Variants in ANGPT1 observed in about 807,000 individuals in gnomAD.
The protein encoded by ANGPT1 is angiopoietin 1, also known as angiopoietin-1.
In ANGPT1, 17 loss-of-function variants were observed where a neutral mutation model predicts 62.2. The observed-to-expected ratio is 0.27, with a 90% CI of 0.19 to 0.41. The LOEUF is 0.41. Among genes scored for constraint, ANGPT1 ranks in the 10% least tolerant of loss-of-function variants. ANGPT1 has a pLI of 1.00. For missense variants in ANGPT1, 478 were observed against 594.9 expected (o/e 0.80, Z 2.04); for synonymous variants, 199 against 198.9 (o/e 1.00, Z 0.00).
chr8:107,423,827 C>CTTTTTTTT (rs869079818), intron 1 of ANGPT1, among the ~76,000 whole-genome samples: 9 of 74,436 alleles, frequency 1.2e-4, no homozygotes, highest in Non-Finnish European at 1.6e-4. Context: ...CTTTTCCTTT[C>CTTTTTTTT]TTTTTTTTTT....
chr8:107,318,189 A>C (rs576015975), intron 4 of ANGPT1, among the ~76,000 whole-genome samples: 1 of 152,328 alleles, frequency 6.6e-6, no homozygotes, highest in East Asian at 1.9e-4. Context: ...GGCAAAAATA[A>C]ATGTGTTACT....
chr8:107,483,038 T>G (rs1216599355), intron 1 of ANGPT1, among the ~76,000 whole-genome samples: 1 of 152,192 alleles, frequency 6.6e-6, no homozygotes, highest in Non-Finnish European at 1.5e-5. Flanking sequence ...AAAAAAAACT[T>G]TAAAATAGGC....
At chr8:107,476,587 T>TAATA (rs201326087) in intron 1 of ANGPT1, among the ~76,000 whole-genome samples, 9,660 of 151,750 alleles carry the variant, frequency 0.064, 350 homozygotes, top group South Asian at 0.12. Context: ...TAAAGTATAA[T>TAATA]AATAAATAAA....
intron 5 of ANGPT1, among the ~76,000 whole-genome samples, chr8:107,299,570 A>G (rs139268479): frequency 0.039 from 5,140 of 132,842 alleles, 309 homozygotes; most frequent in African/African-American, 0.15. Context: ...ATATAGATAT[A>G]TATAGCATAT....
At position 107,388,153 on chromosome 8, in the gene ANGPT1, A is replaced by G. The variant is rs964805797; in HGVS notation, c.298-41056T>C. ...TGCATACAAATCATAATTATGAGTAACAAACGGTGGTCTCAACAGCTTTGG... is the reference window on the plus strand; with the variant it reads ...TGCATACAAATCATAATTATGAGTAGCAAACGGTGGTCTCAACAGCTTTGG... On this transcript the variant is annotated intron_variant, in intron 1 of 8. Transcript: ENST00000517746. Among the ~76,000 whole-genome samples the G allele has an allele frequency of 5.5e-4, 83 of 152,198 alleles. 1 individual carries two copies. Among genetic ancestry groups the G allele is most frequent in the African/African-American group, 1.9e-3 (79 of 41,472 alleles).
chr8:107,373,734 C>T (rs371194412), intron 1 of ANGPT1, among the ~76,000 whole-genome samples: 1 of 152,164 alleles, frequency 6.6e-6, no homozygotes, highest in East Asian at 1.9e-4. Flanking sequence ...TTTCTAAGTG[C>T]CTCACTTTCC....
chr8:107,283,153 T>C (rs1425005751), intron 7 of ANGPT1, among the ~76,000 whole-genome samples: 2 of 152,200 alleles, frequency 1.3e-5, no homozygotes, highest in Non-Finnish European at 2.9e-5. Flanking sequence ...ATTAGCCAAG[T>C]TTCATATAGT....
At chr8:107,300,184 T>C (rs188727406) in intron 5 of ANGPT1, among the ~76,000 whole-genome samples, 1 of 148,612 alleles carries the variant, frequency 6.7e-6, no homozygotes, top group African/African-American at 2.5e-5. Context: ...TATATAGAGA[T>C]ATATATGCTT....
At chr8:107,409,110 G>A (rs1817207821) in intron 1 of ANGPT1, among the ~76,000 whole-genome samples, 1 of 152,074 alleles carries the variant, frequency 6.6e-6, no homozygotes, top group Admixed American at 6.6e-5. Flanking sequence ...TTAATCCAAA[G>A]GCAACTGATA....
At chr8:107,349,758 A>C (rs1815893106) in intron 1 of ANGPT1, among the ~76,000 whole-genome samples, 1 of 152,164 alleles carries the variant, frequency 6.6e-6, no homozygotes, top group African/African-American at 2.4e-5. Context: ...TATTTAGCCT[A>C]GCACTGATTT....
chr8:107,381,476 T>A (rs1439809000), intron 1 of ANGPT1, among the ~76,000 whole-genome samples: 1 of 152,136 alleles, frequency 6.6e-6, no homozygotes, highest in Non-Finnish European at 1.5e-5. Context: ...TGGATATCTT[T>A]GAAAGAGAAG....
At chr8:107,297,788 T>C (rs1488652217) in intron 5 of ANGPT1, among the ~76,000 whole-genome samples, 1 of 150,870 alleles carries the variant, frequency 6.6e-6, no homozygotes, top group Admixed American at 6.6e-5. Context: ...CACGCATACA[T>C]ATATCTATAT....
At chr8:107,321,261 T>C (rs1188934981) in intron 4 of ANGPT1, among the ~76,000 whole-genome samples, 3 of 152,122 alleles carry the variant, frequency 2.0e-5, no homozygotes, top group South Asian at 4.1e-4. Context: ...ATTCTAGTGA[T>C]ATCAAAAATT....
At chr8:107,346,528 C>T (rs1038036452) in intron 2 of ANGPT1, among the ~76,000 whole-genome samples, 1 of 152,182 alleles carries the variant, frequency 6.6e-6, no homozygotes, top group Admixed American at 6.5e-5. Flanking sequence ...TCCTTTCTAT[C>T]TGCTGAATGC....
chr8:107,323,808 G>A (rs1464258773), intron 3 of ANGPT1, among the ~76,000 whole-genome samples: 6 of 151,914 alleles, frequency 3.9e-5, no homozygotes, highest in Middle Eastern at 3.4e-3. Context: ...TTGCTCTGTC[G>A]CCCAGGCTGG....
At chr8:107,296,539 T>A (rs1477677526) in intron 5 of ANGPT1, among the ~76,000 whole-genome samples, 1 of 152,070 alleles carries the variant, frequency 6.6e-6, no homozygotes, top group Admixed American at 6.6e-5. Context: ...AGAATGCAGA[T>A]TCCTGTGGGA....
chr8:107,319,619 T>C (rs10093967), intron 4 of ANGPT1, among the ~76,000 whole-genome samples: 43,803 of 151,594 alleles, frequency 0.29, 6,965 homozygotes, highest in Middle Eastern at 0.37. Flanking sequence ...GCTTTACCCA[T>C]GTGTTTTAGA....
At chr8:107,290,498 A>AT (rs1042572230) in intron 6 of ANGPT1, among the ~76,000 whole-genome samples, 2 of 152,152 alleles carry the variant, frequency 1.3e-5, no homozygotes, top group Non-Finnish European at 2.9e-5. Context: ...AAGAACTGGC[A>AT]TAAGGAGTCT....
Position 107,327,472 on chromosome 8 carries a change from C to A in ANGPT1, c.576-5344G>T, listed in dbSNP as rs140910100. Among the ~76,000 whole-genome samples, 524 of 152,144 alleles carry A rather than the reference C, an allele frequency of 3.4e-3. 2 individuals carry two copies. Among genetic ancestry groups the A allele is most frequent in the Middle Eastern group, 0.01 (3 of 294 alleles). On this transcript the variant is annotated intron_variant, in intron 3 of 8. Transcript: ENST00000517746. ...TAGGTTTGCATTTTAAACACAAAAC[C>A]TGGATGGTTACTGAACACCAGTGCA...
Sources: gnomAD v4.1 joint callset for allele counts (sites outside exome capture counted in the v4.1 genomes callset) on GRCh38, gnomAD v4.1.1 for gene constraint, MANE v1.5 for transcripts, NCBI Gene and HGNC (gene_info 2026-07-23, HGNC 2026-07-21) for gene names.